PDE4A: variants seen among roughly 807,000 people sequenced by gnomAD.
The protein encoded by PDE4A is phosphodiesterase 4A.
A neutral mutation model predicts 73.9 loss-of-function variants in PDE4A; 21 were observed. The ratio of observed to expected loss-of-function variants is 0.28; its 90% CI spans 0.20 to 0.41. PDE4A has a LOEUF of 0.41. Among genes scored for constraint, PDE4A ranks in the 10% least tolerant of loss-of-function variants. The pLI is 1.00. For synonymous variants in PDE4A, 463 were observed against 505.4 expected, an observed-to-expected ratio of 0.92 and a Z score of 1.13; for missense variants, 958 against 1,211.4, an observed-to-expected ratio of 0.79 and a Z score of 3.10.
upstream of PDE4A, chr19:10,417,772 C>T (rs1483145239): frequency 1.9e-6 from 3 of 1,567,270 alleles, no homozygotes; most frequent in African/African-American, 4.1e-5. Flanking sequence ...CAGCCTGAGC[C>T]CTCGGACCCT....
In PDE4A at chr19:10,446,294, C is replaced by T; in HGVS notation, c.397C>T (p.Leu133=). 6.2e-7 allele frequency: 1 copy of T among 1,610,804 alleles called. No homozygotes were observed. Among genetic ancestry groups the T allele is most frequent in the South Asian group, 1.1e-5 (1 of 90,634 alleles). ...CTCGCAGGCGAGCCCAGGACTCGTG[C>T]TGCACGCCGGGGCGGCCACCAGCCA... ...LDSQASPGLV[L]HAGAATSQRR... Residue 133 remains leucine (L), a synonymous_variant, in exon 2 of 15, where the codon CTG becomes TTG. Coordinates refer to ENST00000380702, the MANE Select transcript of PDE4A (RefSeq NM_001111307.2).
At position 10,446,262 on chromosome 19, in the gene PDE4A, C is replaced by T. The variant is rs560065203; in HGVS notation, c.365C>T (p.Pro122Leu). ...CCGACACCATCTCCTGGCCGCAGCC[C>T]CCTGGACTCGCAGGCGAGCCCAGGA... Reference protein sequence around the residue: ...NGPTPSPGRSPLDSQASPGLV... With the variant: ...NGPTPSPGRSLLDSQASPGLV... The change falls in exon 2 of 15, where the codon CCC becomes CTC. Residue 122 changes from proline (P) to leucine (L), a missense_variant. Coordinates refer to ENST00000380702, the MANE Select transcript of PDE4A (RefSeq NM_001111307.2). The T allele has an allele frequency of 5.6e-6, 9 of 1,600,142 alleles. No homozygotes were observed. The South Asian group carries it at 7.8e-5, about 14-fold the overall frequency.
chr19:10,444,380 C>G (rs1568373278), intron 1 of PDE4A, among the ~76,000 whole-genome samples: 1 of 151,924 alleles, frequency 6.6e-6, no homozygotes, highest in Non-Finnish European at 1.5e-5. Context: ...TGCCTGTAAT[C>G]CCAGCTACTC....
intron 1 of PDE4A, among the ~76,000 whole-genome samples, chr19:10,423,365 G>A (rs528209523): frequency 6.6e-6 from 1 of 151,922 alleles, no homozygotes; most frequent in Admixed American, 6.6e-5. Context: ...CACCATGTTG[G>A]CCAGGCTGGT....
At chr19:10,450,729 G>T in intron 5 of PDE4A, 77 bp downstream of exon 5, 2 of 1,585,744 alleles carry the variant, frequency 1.3e-6, no homozygotes, top group Admixed American at 3.6e-5. Flanking sequence ...TCCCCACCCA[G>T]CAGTCCACTC....
chr19:10,438,357 C>T lies in PDE4A; in HGVS notation c.321-7861C>T, dbSNP rs560781229. On this transcript the variant is annotated intron_variant, in intron 1 of 14. Coordinates refer to ENST00000380702, the MANE Select transcript of PDE4A (RefSeq NM_001111307.2). ...CGCTCTCCTGACCTTGTGATCCGCC[C>T]GCCTCCGCCTGCCAAAGTGCTGGGA... Among the ~76,000 whole-genome samples, 6 of 152,106 alleles carry T rather than the reference C, an allele frequency of 3.9e-5. No homozygotes were observed. In the South Asian group the frequency reaches 8.3e-4, roughly 21 times the overall value.
rs758300846 is a variant in PDE4A at position 10,450,831 on chromosome 19, G to A, written c.673G>A (p.Glu225Lys). ...TACCCTGGCTGCCCCTTCCTTAGAA[G>A]AAACGTGTCAGCAGTTGGCCCGGGA... ...TPVCKATLSE[E>K]TCQQLARETL... Residue 225 changes from glutamate to lysine, a missense_variant and splice_region_variant, in exon 6 of 15, where the codon GAA becomes AAA. This residue lies in a region of PDE4A where 570 missense variants were observed against 827.7 expected (regional missense o/e 0.69). Coordinates refer to ENST00000380702, the MANE Select transcript of PDE4A (RefSeq NM_001111307.2). 3 of 1,608,106 alleles carry A rather than the reference G, an allele frequency of 1.9e-6. No individual in the cohort carries two copies. The East Asian group carries it at 6.7e-5, about 36-fold the overall frequency.
At position 10,420,781 on chromosome 19, in the gene PDE4A, T is replaced by C. The variant is rs1342706326; in HGVS notation, c.17T>C (p.Val6Ala). Residue 6 changes from valine (V) to alanine (A), a missense_variant, in exon 1 of 15, where the codon GTC becomes GCC. By Grantham distance (64) the Val-to-Ala change is moderately conservative (BLOSUM62 0). This residue lies in a region of PDE4A where 145 missense variants were observed against 137.8 expected (regional missense o/e 1.05). Coordinates refer to ENST00000380702, the MANE Select transcript of PDE4A (RefSeq NM_001111307.2). This position sits in a 1 kb window ranked among gnomAD's most constrained non-coding sequence, Gnocchi z 6.0. ...GCCGGCGCCATGGAACCCCCGACCGTCCCCTCGGAAAGGAGCCTGTCTCTG... is the reference window on the plus strand; with the variant it reads ...GCCGGCGCCATGGAACCCCCGACCGCCCCCTCGGAAAGGAGCCTGTCTCTG... MEPPT[V>A]PSERSLSLSL... is the part of the protein sequence containing the mutation. The C allele has an allele frequency of 2.5e-6, 4 of 1,574,272 alleles. No homozygotes were observed. The highest frequency in any genetic ancestry group is 2.8e-5 in the African/African-American group (2 of 71,682).
intron 14 of PDE4A, 74 bp downstream of exon 14, chr19:10,464,049 C>T (rs2043323953): frequency 6.4e-7 from 1 of 1,566,490 alleles, no homozygotes; most frequent in South Asian, 1.1e-5. Flanking sequence ...AGTTCTGAGG[C>T]CCAGGAGCTC....
chr19:10,441,782 T>C (rs1211023585), intron 1 of PDE4A, among the ~76,000 whole-genome samples: 1 of 140,824 alleles, frequency 7.1e-6, no homozygotes, highest in Non-Finnish European at 1.5e-5. Context: ...CTCCGCCTCC[T>C]GGGTTCAAGG....
At position 10,420,945 on chromosome 19, in the gene PDE4A, C is replaced by T; in HGVS notation, c.181C>T (p.Pro61Ser). Residue 61 changes from proline to serine, a missense_variant, in exon 1 of 15, where the codon CCG (proline) becomes TCG (serine). By Grantham distance (74) the Pro-to-Ser change is moderately conservative. Around this residue, in one of 3 missense-constraint regions of PDE4A, gnomAD observed 145 missense variants for 137.8 expected, o/e 1.05. Transcript: ENST00000380702. The surrounding 1 kb of genome is among the most constrained non-coding windows in gnomAD (Gnocchi z 6.0). ...SAERAERERQ[P>S]HRPIERADAM... ...GGAGCGCGCCGAGCGGGAGCGGCAG[C>T]CGCACCGGCCCATAGAGCGCGCCGA... 1 of 1,563,864 alleles carries T rather than the reference C, an allele frequency of 6.4e-7. No individual in the cohort carries two copies. Among genetic ancestry groups the T allele is most frequent in the East Asian group, 2.4e-5 (1 of 41,920 alleles).
rs1178493956 is a variant in PDE4A, at chr19:10,458,071, T to G, written c.1070T>G (p.Val357Gly). 1 of 1,613,618 alleles carries G rather than the reference T, an allele frequency of 6.2e-7. No individual in the cohort carries two copies. Among genetic ancestry groups the G allele is most frequent in the South Asian group, 1.1e-5 (1 of 91,074 alleles). The change falls in exon 8 of 15, where the codon GTG becomes GGG. Residue 357 changes from valine (V) to glycine (G), a missense_variant. Val to Gly is a moderately radical substitution (Grantham distance 109). Around this residue, in one of 3 missense-constraint regions of PDE4A, gnomAD observed 570 missense variants for 827.7 expected, o/e 0.69. Coordinates refer to ENST00000380702, the MANE Select transcript of PDE4A (RefSeq NM_001111307.2). This position sits in a 1 kb window ranked among gnomAD's most constrained non-coding sequence, Gnocchi z 4.6. ...LNNSNIPRFG[V>G]KTDQEELLAQ... is the part of the protein sequence containing the mutation. ...AACTCTAACATTCCCCGATTTGGGG[T>G]GAAGACCGATCAAGAAGAGCTCCTG...
At chr19:10,420,425 A>AGGG (rs1278152607), upstream of PDE4A, 2 of 847,764 alleles carry the variant, frequency 2.4e-6, no homozygotes, top group African/African-American at 5.7e-5. The surrounding 1 kb of genome is among the most constrained non-coding windows in gnomAD (Gnocchi z 6.0). Flanking sequence ...ACGGAGGAGG[A>AGGG]GGGGGGCGGC....
chr19:10,427,756 A>T (rs967933162), intron 1 of PDE4A: 1 of 969,686 alleles, frequency 1.0e-6, no homozygotes, highest in African/African-American at 1.8e-5. Flanking sequence ...CCTAGTAAAA[A>T]CCGTATTCCC....
chr19:10,434,972 C>T (rs1311283705), intron 1 of PDE4A, among the ~76,000 whole-genome samples: 3 of 148,910 alleles, frequency 2.0e-5, no homozygotes, highest in Non-Finnish European at 4.4e-5. Context: ...CTCTCTGCAA[C>T]CTCTGCTTCC....
intron 1 of PDE4A, among the ~76,000 whole-genome samples, chr19:10,431,680 C>T (rs10401386): frequency 0.023 from 3,435 of 152,186 alleles, 128 homozygotes; most frequent in African/African-American, 0.078. Flanking sequence ...CTCAGCCTCC[C>T]CCTCTTCCAC....
chr19:10,426,065 C>A (rs552065943), intron 1 of PDE4A, among the ~76,000 whole-genome samples: 1 of 148,058 alleles, frequency 6.8e-6, no homozygotes, highest in Non-Finnish European at 1.5e-5. Context: ...TTTGGCCAGG[C>A]GAGGTGGCTC....
At position 10,420,928 on chromosome 19, in the gene PDE4A, C is replaced by G. The variant is rs1225545987; in HGVS notation, c.164C>G (p.Ala55Gly). The G allele has an allele frequency of 1.3e-6, 2 of 1,578,654 alleles. No homozygotes were observed. Among genetic ancestry groups the G allele is most frequent in the East Asian group, 2.3e-5 (1 of 42,858 alleles). ...QRGYSDSAER[A>G]ERERQPHRPI... Reference sequence around the variant, plus strand: ...GGCTACTCCGACAGCGCGGAGCGCGCCGAGCGGGAGCGGCAGCCGCACCGG... The same window carrying G: ...GGCTACTCCGACAGCGCGGAGCGCGGCGAGCGGGAGCGGCAGCCGCACCGG... Residue 55 changes from alanine to glycine, a missense_variant, in exon 1 of 15, where the codon GCC becomes GGC. Ala to Gly is a moderately conservative substitution (Grantham distance 60). Coordinates refer to ENST00000380702, the MANE Select transcript of PDE4A (RefSeq NM_001111307.2). This position sits in a 1 kb window ranked among gnomAD's most constrained non-coding sequence, Gnocchi z 6.0.
Position 10,450,601 on chromosome 19 carries a change from A to G in PDE4A, c.621-2A>G. On this transcript the variant is annotated splice_acceptor_variant, in intron 4 of 14. Transcript: ENST00000380702. LOFTEE classifies it high-confidence loss of function. Reference sequence around the variant, plus strand: ...TGCAGCCCCATTTTTTTTTTTCTGCAGGCGGTCCCCGCTGGGCGGCCCCAC... The same window carrying G: ...TGCAGCCCCATTTTTTTTTTTCTGCGGGCGGTCCCCGCTGGGCGGCCCCAC... 6.2e-7 allele frequency: 1 copy of G among 1,601,792 alleles called. No homozygotes were observed. Among genetic ancestry groups the G allele is most frequent in the Non-Finnish European group, 8.5e-7 (1 of 1,175,728 alleles).
Sources: allele counts gnomAD v4.1 joint callset (sites outside exome capture counted in the v4.1 genomes callset), GRCh38; gene constraint gnomAD v4.1.1; regional missense constraint gnomAD v4.1.1; non-coding constraint Gnocchi (gnomAD v3.1); transcripts MANE v1.5; gene names NCBI Gene and HGNC (gene_info 2026-07-23, HGNC 2026-07-21).